TAOK1: variants seen among roughly 807,000 people sequenced by gnomAD.
The protein encoded by TAOK1 is serine/threonine-protein kinase TAO1.
TAOK1 carries 21 observed loss-of-function variants against 138.3 expected under a neutral mutation model. The observed-to-expected ratio is 0.15, with a 90% CI of 0.11 to 0.22. TAOK1 has a LOEUF of 0.22. TAOK1 is among the 10% of genes least tolerant of loss of function. The pLI is 1.00. For synonymous variants in TAOK1, 361 were observed against 398.4 expected, an observed-to-expected ratio of 0.91 and a Z score of 1.12; for missense variants, 651 against 1,227.7, an observed-to-expected ratio of 0.53 and a Z score of 7.02.
intron 19 of TAOK1, among the ~76,000 whole-genome samples, chr17:29,538,141 G>A (rs1043693615): frequency 1.3e-5 from 2 of 150,644 alleles, no homozygotes; most frequent in South Asian, 2.1e-4. Flanking sequence ...GGTAAACATG[G>A]CCAAGCCAAT....
chr17:29,431,899 C>T (rs533198996), intron 1 of TAOK1, among the ~76,000 whole-genome samples: 2 of 151,592 alleles, frequency 1.3e-5, no homozygotes, highest in African/African-American at 4.8e-5. Context: ...CTCTGACTCC[C>T]GGGTTCAAGC....
At chr17:29,520,513 A>C (rs2031894907) in intron 16 of TAOK1, among the ~76,000 whole-genome samples, 1 of 151,532 alleles carries the variant, frequency 6.6e-6, no homozygotes, top group African/African-American at 2.4e-5. Context: ...TCCTGGGTTC[A>C]AGCCATTCCC....
At chr17:29,451,422 C>A in intron 1 of TAOK1, 33 bp from the exon 2 acceptor site, 1 of 1,224,330 alleles carries the variant, frequency 8.2e-7, no homozygotes, top group Non-Finnish European at 1.1e-6. Context: ...CAGTTTTTGC[C>A]TTTTCTGACT....
rs999541028 is a variant in TAOK1, at chr17:29,531,892, G to A, written c.2361+1273G>A. On this transcript the variant is annotated intron_variant, in intron 18 of 19. Transcript: ENST00000261716. The stretch of plus-strand genomic sequence containing the variant: ...TTTTTTTTTTTTGAGACGGAGTCTC[G>A]CTCTGTCACCCAGGCTGGAGTGCAG... Among the ~76,000 whole-genome samples the A allele has an allele frequency of 3.5e-5, 5 of 142,160 alleles. No homozygotes were observed. In the Admixed American group the frequency reaches 3.6e-4, roughly 10 times the overall value. The allele number at this position is 142,160 out of a possible 152,430, so 93.3% of individuals were successfully genotyped here. A position where few individuals can be genotyped will look rare whatever the true frequency, so the allele number is the denominator to read the frequency against.
intron 13 of TAOK1, among the ~76,000 whole-genome samples, chr17:29,505,302 G>T (rs1376501336): frequency 6.6e-6 from 1 of 152,038 alleles, no homozygotes; most frequent in African/African-American, 2.4e-5. Flanking sequence ...CTATACACCT[G>T]CCTTAACCGT....
intron 17 of TAOK1, among the ~76,000 whole-genome samples, chr17:29,527,322 C>T (rs1392124733): frequency 1.3e-5 from 2 of 151,790 alleles, no homozygotes; most frequent in Non-Finnish European, 2.9e-5. Flanking sequence ...AAAAGCCAGG[C>T]GTGGTGGTAG....
chr17:29,392,148 G>A (rs1033246192), intron 1 of TAOK1, among the ~76,000 whole-genome samples: 3 of 152,220 alleles, frequency 2.0e-5, no homozygotes, highest in Middle Eastern at 3.4e-3. Flanking sequence ...CCCGGGAGGC[G>A]GAGGTTGCAG....
In TAOK1 at chr17:29,419,283, G is replaced by A. The variant is rs374436175; in HGVS notation, c.-95+28259G>A. ...ATGCTCTCGGCTCACCGCAACCTCC[G>A]CCTCCTGGGTTCAAGCGATTCTCCT... On this transcript the variant is annotated intron_variant, in intron 1 of 19. Coordinates refer to ENST00000261716, the MANE Select transcript of TAOK1 (RefSeq NM_020791.4). Among the ~76,000 whole-genome samples the A allele has an allele frequency of 1.6e-4, 25 of 151,618 alleles. No individual in the cohort carries two copies. In the East Asian group the frequency reaches 4.3e-3, roughly 26 times the overall value.
In TAOK1 at chr17:29,494,783, G is replaced by A. The variant is rs1455354781; in HGVS notation, c.832-777G>A. ...AGAGGTTGCAGTGAGCCGCAATCGC[G>A]CCACTGCACTCCAGCCTGGGCAACA... is the stretch of plus-strand genomic sequence containing the variant. On this transcript the variant is annotated intron_variant, in intron 10 of 19. Transcript: ENST00000261716. Among the ~76,000 whole-genome samples the A allele has an allele frequency of 7.4e-5, 10 of 135,422 alleles. No individual in the cohort carries two copies. The Admixed American group carries it at 8.6e-4, about 12-fold the overall frequency. 88.8% of individuals were successfully genotyped at this position (135,422 alleles called of 152,430 possible).
At chr17:29,454,733 A>C (rs2030331839) in intron 2 of TAOK1, among the ~76,000 whole-genome samples, 1 of 151,236 alleles carries the variant, frequency 6.6e-6, no homozygotes, top group African/African-American at 2.4e-5. Context: ...ACGGAGTCTC[A>C]CCCTGTCACC....
intron 12 of TAOK1, among the ~76,000 whole-genome samples, chr17:29,499,187 G>A (rs2031467860): frequency 6.6e-6 from 1 of 151,038 alleles, no homozygotes; most frequent in Non-Finnish European, 1.5e-5. Flanking sequence ...TGGGATGAGT[G>A]ATGATCAAAA....
At chr17:29,438,808 A>C (rs1448679899) in intron 1 of TAOK1, among the ~76,000 whole-genome samples, 1 of 152,228 alleles carries the variant, frequency 6.6e-6, no homozygotes, top group Non-Finnish European at 1.5e-5. Flanking sequence ...GAGTTTTAGT[A>C]ATTAATTATT....
rs2031552718 is a variant in TAOK1, at chr17:29,502,711, G to A, written c.1326G>A (p.Arg442=). Residue 442 remains arginine, a synonymous_variant, in exon 13 of 20, where the codon CGG becomes CGA. Coordinates refer to ENST00000261716, the MANE Select transcript of TAOK1 (RefSeq NM_020791.4). ...ATCGAGAACACTTTGCTACTATACG[G>A]ACAGCATCACTGGTATGTACTTACC... ...YRNREHFATI[R]TASLVTRQMQ... 1 of 1,613,282 alleles carries A rather than the reference G, an allele frequency of 6.2e-7. No homozygotes were observed. The highest frequency in any genetic ancestry group is 8.5e-7 in the Non-Finnish European group (1 of 1,179,820).
At chr17:29,513,365 A>T (rs557710748) in intron 15 of TAOK1, 14 of 152,296 alleles carry the variant, frequency 9.2e-5, no homozygotes, top group African/African-American at 3.1e-4. Flanking sequence ...TGGAAGTTTG[A>T]GTTTGAAACA....
At chr17:29,455,484 TG>T (rs2030352211) in intron 2 of TAOK1, among the ~76,000 whole-genome samples, 1 of 150,566 alleles carries the variant, frequency 6.6e-6, no homozygotes, top group Admixed American at 6.6e-5. Flanking sequence ...CTTGATACCC[TG>T]GGCTAGAACT....
At chr17:29,501,331 G>A (rs1204988102) in intron 12 of TAOK1, among the ~76,000 whole-genome samples, 4 of 151,634 alleles carry the variant, frequency 2.6e-5, no homozygotes, top group African/African-American at 7.3e-5. Flanking sequence ...CTGAGTAGTG[G>A]AGGATCAGTT....
intron 2 of TAOK1, 133 bp downstream of exon 2, chr17:29,451,813 AGCGC>A: frequency 1.0e-6 from 1 of 990,944 alleles, no homozygotes; most frequent in Non-Finnish European, 1.4e-6. Context: ...GAAGAGAGAG[AGCGC>A]GAGAGCGAGA....
At chr17:29,447,434 A>G (rs1321648800) in intron 1 of TAOK1, among the ~76,000 whole-genome samples, 1 of 151,560 alleles carries the variant, frequency 6.6e-6, no homozygotes. Context: ...GGATTCAAGC[A>G]ATTCTCCCAC....
intron 1 of TAOK1, among the ~76,000 whole-genome samples, chr17:29,395,353 A>C (rs960665630): frequency 3.9e-5 from 6 of 151,988 alleles, no homozygotes; most frequent in Admixed American, 1.3e-4. Flanking sequence ...CAACAAAGAG[A>C]GACCCTGTCT....
Sources: allele counts gnomAD v4.1 joint callset (sites outside exome capture counted in the v4.1 genomes callset), GRCh38; gene constraint gnomAD v4.1.1; transcripts MANE v1.5; gene names NCBI Gene and HGNC (gene_info 2026-07-23, HGNC 2026-07-21).